The following DLG2 variants were observed in gnomAD, a reference collection of about 807,000 sequenced individuals.
DLG2 encodes discs large MAGUK scaffold protein 2.
A neutral mutation model predicts 132.5 loss-of-function variants in DLG2; 45 were observed. The observed-to-expected ratio is 0.34, with a 90% CI of 0.27 to 0.44. The LOEUF is 0.44. Ranked by LOEUF, DLG2 falls within the 20% of genes least tolerant of loss-of-function variation. The probability of loss-of-function intolerance (pLI) is 1.00; values close to 1 mark genes in which losing one functional copy is unlikely to be tolerated. For synonymous variants in DLG2, 424 were observed against 419.6 expected, an observed-to-expected ratio of 1.01 and a Z score of -0.13; for missense variants, 1,045 against 1,196.9, an observed-to-expected ratio of 0.87 and a Z score of 1.87.
rs2080184032 is a variant in DLG2, at chr11:85,187,297, T to C, written c.187-32646A>G. ...ATATGGTGATTACTCTAGAAAACTT[T>C]AAAAAATTCTTCAGAATACCTATAT... On this transcript the variant is annotated intron_variant, in intron 4 of 27. Coordinates refer to ENST00000376104, the MANE Select transcript of DLG2 (RefSeq NM_001142699.3). 2.6e-5 allele frequency among the ~76,000 whole-genome samples: 4 copies of C among 152,002 alleles called. No homozygotes were observed. The South Asian group carries it at 8.3e-4, about 31-fold the overall frequency.
At chr11:84,891,052 C>G (rs749598736) in intron 6 of DLG2, 7 of 152,146 alleles carry the variant, frequency 4.6e-5, no homozygotes, top group African/African-American at 1.7e-4. Flanking sequence ...CCCGGGTTCC[C>G]AGAAAGTACA....
intron 15 of DLG2, among the ~76,000 whole-genome samples, chr11:83,921,101 C>T (rs191761853): frequency 3.3e-5 from 5 of 152,224 alleles, no homozygotes; most frequent in Admixed American, 6.5e-5. Flanking sequence ...TGTTTCATCA[C>T]CTGCAAAATG....
chr11:83,703,676 T>G lies in DLG2; in HGVS notation c.1826-70351A>C, dbSNP rs142346648. 8.4e-3 allele frequency among the ~76,000 whole-genome samples: 1,273 copies of G among 152,292 alleles called. 19 individuals carry two copies. Among genetic ancestry groups the G allele is most frequent in the African/African-American group, 0.028 (1,168 of 41,564 alleles). On this transcript the variant is annotated intron_variant, in intron 18 of 27. Coordinates refer to ENST00000376104, the MANE Select transcript of DLG2 (RefSeq NM_001142699.3). ...AAAAAAATCAACAAAAACCAAAGTT[T>G]TCTTTACATTTGAAATAATTATTTT... is the stretch of plus-strand genomic sequence containing the variant.
chr11:83,497,194 A>T (rs2094189505), intron 21 of DLG2, among the ~76,000 whole-genome samples: 1 of 152,190 alleles, frequency 6.6e-6, no homozygotes, highest in Admixed American at 6.5e-5. Flanking sequence ...AAACAAAACA[A>T]ACACAACAAA....
Position 83,861,271 on chromosome 11 carries a change from T to C in DLG2, c.1565+13149A>G, listed in dbSNP as rs184390913. Among the ~76,000 whole-genome samples, 138 of 152,270 alleles carry C rather than the reference T, an allele frequency of 9.1e-4. 1 individual carries two copies. The highest frequency in any genetic ancestry group is 3.4e-3 in the Middle Eastern group (1 of 294). ...ATAGAGAAAAGGGAATCCTTTTACA[T>C]TGTTGGTGGGAATGTAAATTAGTAC... On this transcript the variant is annotated intron_variant, in intron 16 of 27. Coordinates refer to ENST00000376104, the MANE Select transcript of DLG2 (RefSeq NM_001142699.3).
intron 7 of DLG2, among the ~76,000 whole-genome samples, chr11:84,386,673 A>G (rs993817372): frequency 2.0e-5 from 3 of 152,152 alleles, no homozygotes; most frequent in Non-Finnish European, 4.4e-5. Flanking sequence ...AGGTCAGGTA[A>G]TATGTTGATG....
chr11:85,174,267 C>T (rs1472336061), intron 4 of DLG2, among the ~76,000 whole-genome samples: 1 of 152,122 alleles, frequency 6.6e-6, no homozygotes, highest in Non-Finnish European at 1.5e-5. Flanking sequence ...TAATAACAAA[C>T]AGCCTTTCAT....
intron 18 of DLG2, among the ~76,000 whole-genome samples, chr11:83,662,515 T>C (rs2074543721): frequency 6.6e-6 from 1 of 152,198 alleles, no homozygotes; most frequent in Non-Finnish European, 1.5e-5. Context: ...CTAAGGAACC[T>C]GCTATAATTC....
intron 3 of DLG2, among the ~76,000 whole-genome samples, chr11:85,590,378 A>G (rs1049605633): frequency 3.3e-5 from 5 of 152,208 alleles, no homozygotes; most frequent in African/African-American, 7.2e-5. Context: ...TAGAAACATA[A>G]GGGAAGAAGT....
intron 3 of DLG2, among the ~76,000 whole-genome samples, chr11:85,512,832 A>G (rs960158834): frequency 1.3e-5 from 2 of 152,138 alleles, no homozygotes; most frequent in Admixed American, 6.6e-5. Context: ...CAGCAATCCC[A>G]TTACTGGTAA....
chr11:83,677,249 T>TTTG (rs1444315697), intron 18 of DLG2, among the ~76,000 whole-genome samples: 1 of 152,128 alleles, frequency 6.6e-6, no homozygotes, highest in African/African-American at 2.4e-5. Context: ...TTGTCTTGCT[T>TTTG]TTGTTTGTTT....
rs549338119 is a variant in DLG2, at chr11:85,007,485, C to T, written c.357+104176G>A. On this transcript the variant is annotated intron_variant, in intron 6 of 27. Coordinates refer to ENST00000376104, the MANE Select transcript of DLG2 (RefSeq NM_001142699.3). ...ACCATCCTGGCTAACACGGTGAAAC[C>T]CCATCTCTACTAAAAAAAAACACAA... Among the ~76,000 whole-genome samples the T allele has an allele frequency of 4.6e-5, 7 of 150,990 alleles. No individual in the cohort carries two copies. In the East Asian group the frequency reaches 1.4e-3, roughly 30 times the overall value.
intron 3 of DLG2, among the ~76,000 whole-genome samples, chr11:85,384,566 G>A (rs1379371471): frequency 6.6e-6 from 1 of 151,906 alleles, no homozygotes; most frequent in African/African-American, 2.4e-5. Context: ...TTTTTTGTTT[G>A]TTTTTTTGTT....
At chr11:85,275,033 C>G (rs1211166554) in intron 4 of DLG2, among the ~76,000 whole-genome samples, 2 of 152,172 alleles carry the variant, frequency 1.3e-5, no homozygotes, top group Non-Finnish European at 2.9e-5. Context: ...ATCCTTCATT[C>G]TAAAGGCTCC....
intron 10 of DLG2, among the ~76,000 whole-genome samples, chr11:84,079,660 T>G (rs1452481833): frequency 6.6e-6 from 1 of 152,234 alleles, no homozygotes; most frequent in Non-Finnish European, 1.5e-5. Flanking sequence ...GAGTGATTTT[T>G]ATAGATAACA....
In DLG2 at chr11:84,926,402, G is replaced by A. The variant is rs191619781; in HGVS notation, c.357+185259C>T. ...TGTATCTAAAATATCCATCAGTATG[G>A]AATTTATTTCTTTAAATTACAGTTT... is the stretch of plus-strand genomic sequence containing the variant. On this transcript the variant is annotated intron_variant, in intron 6 of 27. Coordinates refer to ENST00000376104, the MANE Select transcript of DLG2 (RefSeq NM_001142699.3). 4.1e-3 allele frequency among the ~76,000 whole-genome samples: 625 copies of A among 151,896 alleles called. 2 individuals carry two copies. The highest frequency in any genetic ancestry group is 6.8e-3 in the Non-Finnish European group (461 of 67,880).
At chr11:85,323,123 T>A (rs1168820422) in intron 3 of DLG2, among the ~76,000 whole-genome samples, 1 of 152,242 alleles carries the variant, frequency 6.6e-6, no homozygotes, top group African/African-American at 2.4e-5. Flanking sequence ...CTGTACCATA[T>A]TGGGTCACTG....
intron 6 of DLG2, among the ~76,000 whole-genome samples, chr11:84,654,550 T>A (rs2099685910): frequency 6.6e-6 from 1 of 152,180 alleles, no homozygotes; most frequent in Non-Finnish European, 1.5e-5. Flanking sequence ...ACATAATAAA[T>A]CTTGCCTATA....
chr11:84,298,494 T>C (rs762017547), intron 7 of DLG2, among the ~76,000 whole-genome samples: 14 of 152,168 alleles, frequency 9.2e-5, no homozygotes, highest in Non-Finnish European at 1.9e-4. Context: ...CTACCAATTT[T>C]TAAAGATACC....
Sources: allele counts gnomAD v4.1 joint callset (sites outside exome capture counted in the v4.1 genomes callset), GRCh38; gene constraint gnomAD v4.1.1; transcripts MANE v1.5; gene names NCBI Gene and HGNC (gene_info 2026-07-23, HGNC 2026-07-21).